INSL4: variants seen among roughly 807,000 people sequenced by gnomAD.
The protein encoded by INSL4 is early placenta insulin-like peptide.
In INSL4, 7 loss-of-function variants were observed where a neutral mutation model predicts 6.5. The observed-to-expected ratio is 1.08, with a 90% CI of 0.61 to 2.02. INSL4 has a LOEUF of 2.02. INSL4 is among the 30% of genes most tolerant of loss of function. INSL4 has a pLI of 0.00. For missense variants in INSL4, 226 were observed against 163.2 expected (o/e 1.38, Z -2.09); for synonymous variants, 82 against 65.8 (o/e 1.25, Z -1.19).
In INSL4 at chr9:5,233,984, A is replaced by T; in HGVS notation, c.*107A>T. On this transcript the variant is annotated 3_prime_UTR_variant, in exon 2 of 2. Coordinates refer to ENST00000239316, the MANE Select transcript of INSL4 (RefSeq NM_002195.2). ...TGCTGTTTATTAGAACATGAGAATC[A>T]TTATTAGTATTCACATGTTTCACTT... 1.3e-6 allele frequency: 1 copy of T among 744,148 alleles called. No homozygotes were observed. The highest frequency in any genetic ancestry group is 1.7e-5 in the South Asian group (1 of 57,920). 46.1% of individuals were successfully genotyped at this position (744,148 alleles called of 1,614,324 possible).
At position 5,233,893 on chromosome 9, in the gene INSL4, C is replaced by G; in HGVS notation, c.*16C>G. On this transcript the variant is annotated 3_prime_UTR_variant, in exon 2 of 2. Coordinates refer to ENST00000239316, the MANE Select transcript of INSL4 (RefSeq NM_002195.2). Reference sequence around the variant, plus strand: ...ATGTACATAGTAGAGTAATCATGGACTGGACATCTCATCCATTCTCATATG... The same window carrying G: ...ATGTACATAGTAGAGTAATCATGGAGTGGACATCTCATCCATTCTCATATG... The G allele has an allele frequency of 6.6e-7, 1 of 1,508,810 alleles. No individual in the cohort carries two copies. The highest frequency in any genetic ancestry group is 1.1e-5 in the South Asian group (1 of 88,662). 93.5% of individuals were successfully genotyped at this position (1,508,810 alleles called of 1,614,324 possible).
At chr9:5,233,054 T>C (rs1555476) in intron 1 of INSL4, among the ~76,000 whole-genome samples, 31,612 of 152,182 alleles carry the variant, frequency 0.21, 4,174 homozygotes, top group South Asian at 0.3. Context: ...CTATAATTTC[T>C]ATTTAAATTT....
At position 5,233,890 on chromosome 9, in the gene INSL4, G is replaced by A. The variant is rs530704440; in HGVS notation, c.*13G>A. 6.5e-7 allele frequency: 1 copy of A among 1,536,336 alleles called. No individual in the cohort carries two copies. Among genetic ancestry groups the A allele is most frequent in the Non-Finnish European group, 9.0e-7 (1 of 1,110,032 alleles). On this transcript the variant is annotated 3_prime_UTR_variant, in exon 2 of 2. Coordinates refer to ENST00000239316, the MANE Select transcript of INSL4 (RefSeq NM_002195.2). ...ATTATGTACATAGTAGAGTAATCAT[G>A]GACTGGACATCTCATCCATTCTCAT... is the stretch of plus-strand genomic sequence containing the variant.
intron 1 of INSL4, among the ~76,000 whole-genome samples, chr9:5,233,265 A>T (rs1826174873): frequency 6.6e-6 from 1 of 152,160 alleles, no homozygotes; most frequent in African/African-American, 2.4e-5. Context: ...ATCAGATTTG[A>T]ATATCTGAAT....
rs62638703 is a variant in INSL4 at position 5,233,855 on chromosome 9, C to A, written c.398C>A (p.Thr133Asn). ...TGTGAAGTAATTTGTGACGATGGAA[C>A]TTCAGTTAAATTATGTACATAGTAG... The part of the protein sequence containing the change: ...FCCEVICDDG[T>N]SVKLCT Residue 133 changes from threonine (T) to asparagine (N), a missense_variant, in exon 2 of 2, where the codon ACT becomes AAT. Physicochemically the swap from Thr to Asn is moderately conservative, Grantham distance 65. Coordinates refer to ENST00000239316, the MANE Select transcript of INSL4 (RefSeq NM_002195.2). The A allele has an allele frequency of 3.3e-3, 5,240 of 1,611,938 alleles. 142 individuals are homozygous for A. The African/African-American group carries it at 0.06, about 19-fold the overall frequency.
chr9:5,234,216 C>T lies in INSL4; in HGVS notation c.*339C>T, dbSNP rs1826193032. The T allele has an allele frequency of 3.9e-6, 1 of 254,334 alleles. No homozygotes were observed. The highest frequency in any genetic ancestry group is 7.6e-6 in the Non-Finnish European group (1 of 130,872). The allele number at this position is 254,334 out of a possible 1,614,324, so 15.8% of individuals were successfully genotyped here. Reference sequence around the variant, plus strand: ...CCCAATTACCCTGATTTGATCATTACACATTATATACACGTATCAAAATAT... The same window carrying T: ...CCCAATTACCCTGATTTGATCATTATACATTATATACACGTATCAAAATAT... On this transcript the variant is annotated 3_prime_UTR_variant, in exon 2 of 2. Coordinates refer to ENST00000239316, the MANE Select transcript of INSL4 (RefSeq NM_002195.2).
At chr9:5,232,064 C>G (rs1182505521) in intron 1 of INSL4, among the ~76,000 whole-genome samples, 2 of 152,062 alleles carry the variant, frequency 1.3e-5, no homozygotes, top group African/African-American at 2.4e-5. Context: ...CTCCCAGACC[C>G]CCAGGAAAGC....
rs1826188364 is a variant in INSL4, at chr9:5,233,947, C to A, written c.*70C>A. The stretch of plus-strand genomic sequence containing the variant: ...TCTCAATGACAAATTCACTGATGCC[C>A]AATTAAATGATTGCTGTTTATTAGA... On this transcript the variant is annotated 3_prime_UTR_variant, in exon 2 of 2. Coordinates refer to ENST00000239316, the MANE Select transcript of INSL4 (RefSeq NM_002195.2). 2.0e-6 allele frequency: 2 copies of A among 978,706 alleles called. No individual in the cohort carries two copies. Among genetic ancestry groups the A allele is most frequent in the South Asian group, 1.4e-5 (1 of 71,272 alleles). The allele number at this position is 978,706 out of a possible 1,614,324, so 60.6% of individuals were successfully genotyped here. A position where few individuals can be genotyped will look rare whatever the true frequency, so the allele number is the denominator to read the frequency against.
intron 1 of INSL4, among the ~76,000 whole-genome samples, chr9:5,232,880 A>C (rs977303072): frequency 4.6e-5 from 7 of 152,218 alleles, no homozygotes; most frequent in Admixed American, 4.6e-4. Flanking sequence ...GTTATCGTGC[A>C]CAGTGAATGC....
chr9:5,233,888 A>G lies in INSL4; in HGVS notation c.*11A>G. 6.4e-7 allele frequency: 1 copy of G among 1,554,726 alleles called. No homozygotes were observed. ...AAATTATGTACATAGTAGAGTAATC[A>G]TGGACTGGACATCTCATCCATTCTC... On this transcript the variant is annotated 3_prime_UTR_variant, in exon 2 of 2. Transcript: ENST00000239316.
At position 5,233,880 on chromosome 9, in the gene INSL4, G is replaced by C; in HGVS notation, c.*3G>C. 3.2e-6 allele frequency: 5 copies of C among 1,583,248 alleles called. No homozygotes were observed. The highest frequency in any genetic ancestry group is 4.3e-6 in the Non-Finnish European group (5 of 1,152,402). ...CTTCAGTTAAATTATGTACATAGTA[G>C]AGTAATCATGGACTGGACATCTCAT... On this transcript the variant is annotated 3_prime_UTR_variant, in exon 2 of 2. Transcript: ENST00000239316.
Position 5,233,993 on chromosome 9 carries a change from A to T in INSL4, c.*116A>T, listed in dbSNP as rs1194883415. The T allele has an allele frequency of 2.8e-6, 2 of 720,624 alleles. No individual in the cohort carries two copies. The highest frequency in any genetic ancestry group is 3.5e-5 in the African/African-American group (2 of 56,670). 44.6% of individuals were successfully genotyped at this position (720,624 alleles called of 1,614,324 possible). A position where few individuals can be genotyped will look rare whatever the true frequency, so the allele number is the denominator to read the frequency against. On this transcript the variant is annotated 3_prime_UTR_variant, in exon 2 of 2. Transcript: ENST00000239316. The stretch of plus-strand genomic sequence containing the variant: ...TTAGAACATGAGAATCATTATTAGT[A>T]TTCACATGTTTCACTTGCTCTGTAC...
In INSL4 at chr9:5,233,795, A is replaced by G. The variant is rs1826184896; in HGVS notation, c.338A>G (p.Lys113Arg). 1 of 1,613,650 alleles carries G rather than the reference A, an allele frequency of 6.2e-7. No individual in the cohort carries two copies. The highest frequency in any genetic ancestry group is 1.3e-5 in the African/African-American group (1 of 74,914). The change falls in exon 2 of 2, where the codon AAG (lysine) becomes AGG (arginine). Residue 113 changes from lysine to arginine, a missense_variant. Coordinates refer to ENST00000239316, the MANE Select transcript of INSL4 (RefSeq NM_002195.2). ...AAGAAAATAATACTTTCCCGCAAAA[A>G]GAGAAGTGGACGTCACAGATTTGAT... Reference protein sequence around the residue: ...SLKKIILSRKKRSGRHRFDPF... With the variant: ...SLKKIILSRKRRSGRHRFDPF...
At chr9:5,232,420 A>G (rs541694403) in intron 1 of INSL4, among the ~76,000 whole-genome samples, 3 of 152,268 alleles carry the variant, frequency 2.0e-5, no homozygotes, top group South Asian at 4.2e-4. Context: ...AGATGAGATG[A>G]AGAGAAAGAA....
chr9:5,233,754 A>C lies in INSL4; in HGVS notation c.297A>C (p.Glu99Asp). 3 of 1,613,726 alleles carry C rather than the reference A, an allele frequency of 1.9e-6. No individual in the cohort carries two copies. Among genetic ancestry groups the C allele is most frequent in the Non-Finnish European group, 1.7e-6 (2 of 1,179,710 alleles). ...CAGAGCTGAAGAAACCACTGTCTGA[A>C]GGGCAGCCATCATTGAAGAAAATAA... is the stretch of plus-strand genomic sequence containing the variant. Reference protein sequence around the residue: ...LSPELKKPLSEGQPSLKKIIL... With the variant: ...LSPELKKPLSDGQPSLKKIIL... The change falls in exon 2 of 2, where the codon GAA (glutamate) becomes GAC (aspartate). Residue 99 changes from glutamate to aspartate, a missense_variant. By Grantham distance (45) the Glu-to-Asp change is conservative. Transcript: ENST00000239316.
At chr9:5,231,881 A>T (rs1264804725) in intron 1 of INSL4, among the ~76,000 whole-genome samples, 162 bp downstream of exon 1, 1 of 152,106 alleles carries the variant, frequency 6.6e-6, no homozygotes, top group East Asian at 1.9e-4. Flanking sequence ...CTCACCAGAA[A>T]TCTCATGGGA....
rs752036003 is a variant in INSL4, at chr9:5,233,905, T to A, written c.*28T>A. 9.8e-6 allele frequency: 14 copies of A among 1,428,980 alleles called. No homozygotes were observed. The highest frequency in any genetic ancestry group is 1.7e-5 in the Admixed American group (1 of 59,254). 88.5% of individuals were successfully genotyped at this position (1,428,980 alleles called of 1,614,324 possible). On this transcript the variant is annotated 3_prime_UTR_variant, in exon 2 of 2. Transcript: ENST00000239316. ...GAGTAATCATGGACTGGACATCTCATCCATTCTCATATGTATTCTCAATGA... is the reference window on the plus strand; with the variant it reads ...GAGTAATCATGGACTGGACATCTCAACCATTCTCATATGTATTCTCAATGA...
Position 5,234,060 on chromosome 9 carries a change from T to C in INSL4, c.*183T>C, listed in dbSNP as rs1171983959. 7.0e-6 allele frequency: 4 copies of C among 570,328 alleles called. No individual in the cohort carries two copies. The highest frequency in any genetic ancestry group is 3.2e-5 in the Admixed American group (1 of 31,598). 35.3% of individuals were successfully genotyped at this position (570,328 alleles called of 1,614,324 possible). On this transcript the variant is annotated 3_prime_UTR_variant, in exon 2 of 2. Transcript: ENST00000239316. The stretch of plus-strand genomic sequence containing the variant: ...AATGGAGGAAGTTAGATAGATGGAA[T>C]AAGTTCTAGTAGTTGATAGTACAAT...
In INSL4 at chr9:5,234,015, G is replaced by T. The variant is rs1385812915; in HGVS notation, c.*138G>T. On this transcript the variant is annotated 3_prime_UTR_variant, in exon 2 of 2. Coordinates refer to ENST00000239316, the MANE Select transcript of INSL4 (RefSeq NM_002195.2). ...AGTATTCACATGTTTCACTTGCTCT[G>T]TACTAATATAGTCTCTCCAAATGGA... 1.5e-6 allele frequency: 1 copy of T among 649,008 alleles called. No individual in the cohort carries two copies. Among genetic ancestry groups the T allele is most frequent in the African/African-American group, 1.8e-5 (1 of 54,884 alleles). The allele number at this position is 649,008 out of a possible 1,614,324, so 40.2% of individuals were successfully genotyped here.
Sources: allele counts gnomAD v4.1 joint callset (sites outside exome capture counted in the v4.1 genomes callset), GRCh38; gene constraint gnomAD v4.1.1; transcripts MANE v1.5; gene names NCBI Gene and HGNC (gene_info 2026-07-23, HGNC 2026-07-21).